CLVS2: variants seen among roughly 807,000 people sequenced by gnomAD.
CLVS2 encodes clavesin-2.
CLVS2 carries 19 observed loss-of-function variants against 29.0 expected under a neutral mutation model. That is an observed-to-expected ratio of 0.66 (90% confidence interval 0.46 to 0.96). CLVS2 has a LOEUF of 0.96. CLVS2 is among the 40% of genes least tolerant of loss of function. The probability of loss-of-function intolerance (pLI) is 0.00; values close to 1 mark genes in which losing one functional copy is unlikely to be tolerated. For missense variants in CLVS2, 294 were observed against 404.1 expected (o/e 0.73, Z 2.34); for synonymous variants, 161 against 151.3 (o/e 1.06, Z -0.47).
At chr6:123,026,692 C>CATAT (rs1474815116) in intron 3 of CLVS2, among the ~76,000 whole-genome samples, 1 of 151,998 alleles carries the variant, frequency 6.6e-6, no homozygotes, top group African/African-American at 2.4e-5. Flanking sequence ...ATATAAAATC[C>CATAT]CAAATATCAT....
At chr6:123,028,763 T>C (rs557093087) in intron 3 of CLVS2, among the ~76,000 whole-genome samples, 90 of 152,308 alleles carry the variant, frequency 5.9e-4, no homozygotes, top group Middle Eastern at 3.4e-3. Context: ...TATTTTTTTC[T>C]CCAAATGTTT....
intron 3 of CLVS2, among the ~76,000 whole-genome samples, chr6:123,039,652 G>A (rs1475102381): frequency 2.0e-5 from 3 of 152,188 alleles, no homozygotes; most frequent in African/African-American, 4.8e-5. Context: ...CTGTTGAGGT[G>A]TGTGGCTATG....
intron 3 of CLVS2, among the ~76,000 whole-genome samples, chr6:123,011,584 T>C (rs558766290): frequency 6.6e-6 from 1 of 152,144 alleles, no homozygotes; most frequent in South Asian, 2.1e-4. Context: ...AGTCAATCAA[T>C]ATGTTTTTTG....
chr6:123,071,284 TTTG>T lies in CLVS2; in HGVS notation c.*7526_*7528del, dbSNP rs889001535. ...TTCTTGTTGTCTTAATTTAAAAAAT[TTTG>T]TTATTTATCTTCAAAGGGGAAATTT... On this transcript the variant is annotated 3_prime_UTR_variant, in exon 6 of 6. Coordinates refer to ENST00000275162, the MANE Select transcript of CLVS2 (RefSeq NM_001010852.4). The T allele has an allele frequency of 2.0e-5, 3 of 151,988 alleles. No individual in the cohort carries two copies. Among genetic ancestry groups the T allele is most frequent in the African/African-American group, 7.2e-5 (3 of 41,416 alleles). The allele number at this position is 151,988 out of a possible 1,614,324, so 9.4% of individuals were successfully genotyped here.
intron 3 of CLVS2, among the ~76,000 whole-genome samples, chr6:123,030,475 ATTGT>A (rs1374894245): frequency 6.6e-6 from 1 of 152,064 alleles, no homozygotes; most frequent in African/African-American, 2.4e-5. Context: ...GACTCATGTG[ATTGT>A]TTGTTTGGAA....
At chr6:123,012,966 C>A (rs1774772641) in intron 3 of CLVS2, among the ~76,000 whole-genome samples, 1 of 151,958 alleles carries the variant, frequency 6.6e-6, no homozygotes, top group South Asian at 2.1e-4. Flanking sequence ...TTCAAATTGA[C>A]TTTTTAATGC....
At chr6:123,001,719 A>T (rs1376853398) in intron 2 of CLVS2, among the ~76,000 whole-genome samples, 2 of 152,244 alleles carry the variant, frequency 1.3e-5, no homozygotes, top group African/African-American at 2.4e-5. Context: ...AATGGTTCGC[A>T]GGATCTTATC....
At chr6:123,030,151 A>T (rs4133158) in intron 3 of CLVS2, among the ~76,000 whole-genome samples, 113,046 of 152,190 alleles carry the variant, frequency 0.74, 42,503 homozygotes, top group East Asian at 0.92. Flanking sequence ...TTCATATCAT[A>T]TTTTCTTATT....
At chr6:123,057,069 G>A (rs1413847383) in intron 5 of CLVS2, among the ~76,000 whole-genome samples, 1 of 152,132 alleles carries the variant, frequency 6.6e-6, no homozygotes, top group East Asian at 1.9e-4. Context: ...AAGTAGATGT[G>A]TAATTCTCAG....
At position 123,001,123 on chromosome 6, in the gene CLVS2, G is replaced by T. The variant is rs547062261; in HGVS notation, c.389+2957G>T. On this transcript the variant is annotated intron_variant, in intron 2 of 5. Transcript: ENST00000275162. Reference sequence around the variant, plus strand: ...ATTGAGTTATGCATTTGTATAAAAAGAATTCTGAGTAGAGATTTATTTGAT... The same window carrying T: ...ATTGAGTTATGCATTTGTATAAAAATAATTCTGAGTAGAGATTTATTTGAT... Among the ~76,000 whole-genome samples, 50 of 152,240 alleles carry T rather than the reference G, an allele frequency of 3.3e-4. 1 individual carries two copies. In the South Asian group the frequency reaches 8.7e-3, roughly 26 times the overall value.
At chr6:123,004,549 A>T (rs901269345) in intron 2 of CLVS2, among the ~76,000 whole-genome samples, 1 of 152,180 alleles carries the variant, frequency 6.6e-6, no homozygotes, top group African/African-American at 2.4e-5. Flanking sequence ...TATTGTGGTG[A>T]GGCTGGAGAG....
At chr6:123,044,517 G>T (rs1182549598) in intron 3 of CLVS2, among the ~76,000 whole-genome samples, 1 of 150,480 alleles carries the variant, frequency 6.6e-6, no homozygotes, top group Non-Finnish European at 1.5e-5. Context: ...AGGGAAAGGG[G>T]AAAGAAAAAA....
At chr6:123,042,967 T>G (rs2114348153) in intron 3 of CLVS2, among the ~76,000 whole-genome samples, 1 of 152,306 alleles carries the variant, frequency 6.6e-6, no homozygotes, top group African/African-American at 2.4e-5. Flanking sequence ...GTGGTTAGCA[T>G]GTTAAGGCAG....
Position 122,997,849 on chromosome 6 carries a change from A to T in CLVS2, c.72A>T (p.Pro24=). Residue 24 remains proline, a synonymous_variant, in exon 2 of 6, where the codon CCA becomes CCT. Transcript: ENST00000275162. ...EKARLELNEN[P]DTLHQDIQEV... is the part of the protein sequence containing the mutation. ...CTCGCCTGGAGCTCAATGAAAACCC[A>T]GACACGCTGCACCAGGACATCCAGG... is the stretch of plus-strand genomic sequence containing the variant. 6.2e-7 allele frequency: 1 copy of T among 1,614,148 alleles called. No homozygotes were observed. Among genetic ancestry groups the T allele is most frequent in the Non-Finnish European group, 8.5e-7 (1 of 1,180,012 alleles).
At chr6:123,023,671 TA>T (rs1468171485) in intron 3 of CLVS2, among the ~76,000 whole-genome samples, 1 of 152,122 alleles carries the variant, frequency 6.6e-6, no homozygotes, top group Non-Finnish European at 1.5e-5. Flanking sequence ...GCCTTCTTCA[TA>T]AAGAGATTTT....
intron 5 of CLVS2, among the ~76,000 whole-genome samples, chr6:123,059,248 T>C (rs1379648225): frequency 1.3e-5 from 2 of 152,208 alleles, no homozygotes; most frequent in South Asian, 4.1e-4. Flanking sequence ...GTCAGTTCTG[T>C]TTCCTCTTCA....
At chr6:123,008,886 C>T (rs4645438) in intron 2 of CLVS2, among the ~76,000 whole-genome samples, 112,742 of 151,788 alleles carry the variant, frequency 0.74, 42,377 homozygotes, top group East Asian at 0.92. Flanking sequence ...AAATACATAG[C>T]AGAGCTCTAT....
At chr6:123,008,816 G>A (rs1241149586) in intron 2 of CLVS2, among the ~76,000 whole-genome samples, 1 of 151,864 alleles carries the variant, frequency 6.6e-6, no homozygotes, top group African/African-American at 2.4e-5. Flanking sequence ...ATGGAGGTAG[G>A]CCAGCCATAA....
chr6:123,044,120 A>T (rs537736648), intron 3 of CLVS2, among the ~76,000 whole-genome samples: 1 of 152,274 alleles, frequency 6.6e-6, no homozygotes, highest in African/African-American at 2.4e-5. Context: ...AATTGGCAAA[A>T]CCATTTGGAA....
Sources: allele counts gnomAD v4.1 joint callset (sites outside exome capture counted in the v4.1 genomes callset), GRCh38; gene constraint gnomAD v4.1.1; transcripts MANE v1.5; gene names NCBI Gene and HGNC (gene_info 2026-07-23, HGNC 2026-07-21).